Variants in DIAPH3 observed in about 807,000 individuals in gnomAD.
The protein encoded by DIAPH3 is diaphanous related formin 3.
Under a neutral mutation model 144.3 loss-of-function variants are expected in DIAPH3, and 117 were observed. The ratio of observed to expected loss-of-function variants is 0.81; its 90% CI spans 0.70 to 0.95. DIAPH3 has a LOEUF of 0.95. Among genes scored for constraint, DIAPH3 ranks in the 40% least tolerant of loss-of-function variants. The pLI, the probability that DIAPH3 is intolerant of heterozygous loss-of-function variation, is 0.00. For synonymous variants in DIAPH3, 519 were observed against 488.9 expected, an observed-to-expected ratio of 1.06 and a Z score of -0.81; for missense variants, 1,421 against 1,412.7, an observed-to-expected ratio of 1.01 and a Z score of -0.09.
At chr13:60,052,770 G>A (rs1048439270) in intron 4 of DIAPH3, among the ~76,000 whole-genome samples, 4 of 151,734 alleles carry the variant, frequency 2.6e-5, no homozygotes, top group African/African-American at 9.7e-5. Flanking sequence ...AGACCAGCCT[G>A]GCCAACATAG....
intron 20 of DIAPH3, among the ~76,000 whole-genome samples, chr13:59,887,205 CTAAT>C (rs1410937549): frequency 2.0e-5 from 3 of 152,108 alleles, no homozygotes; most frequent in East Asian, 1.9e-4. Context: ...ATATGGCTAA[CTAAT>C]TAATTTTGAA....
At chr13:60,125,680 T>C (rs2058973455) in intron 2 of DIAPH3, among the ~76,000 whole-genome samples, 1 of 152,168 alleles carries the variant, frequency 6.6e-6, no homozygotes, top group African/African-American at 2.4e-5. Context: ...GAAGGCCTTA[T>C]CTGCCATGTT....
chr13:59,805,345 A>AC (rs2040137439), intron 25 of DIAPH3, among the ~76,000 whole-genome samples: 1 of 152,086 alleles, frequency 6.6e-6, no homozygotes, highest in Non-Finnish European at 1.5e-5. Context: ...TGATTAAGAA[A>AC]CAGAAATGGA....
chr13:59,682,354 G>T (rs2032989280), intron 27 of DIAPH3, among the ~76,000 whole-genome samples: 1 of 152,208 alleles, frequency 6.6e-6, no homozygotes, highest in Non-Finnish European at 1.5e-5. Context: ...ACAGGGTCTT[G>T]TCTGTCGCCC....
chr13:60,117,634 T>G (rs2058734599), intron 2 of DIAPH3, among the ~76,000 whole-genome samples: 1 of 152,124 alleles, frequency 6.6e-6, no homozygotes, highest in Non-Finnish European at 1.5e-5. Context: ...GAAGTTTCAT[T>G]TTTTAAAAGA....
intron 27 of DIAPH3, among the ~76,000 whole-genome samples, chr13:59,708,792 A>G (rs2034566784): frequency 6.6e-6 from 1 of 152,170 alleles, no homozygotes; most frequent in Non-Finnish European, 1.5e-5. Flanking sequence ...TCTGGAATGC[A>G]TTTTCTGAAT....
At position 60,163,919 on chromosome 13, in the gene DIAPH3, C is replaced by CACCG. The variant is rs1952427873; in HGVS notation, c.-154_-153insCGGT. On this transcript the variant is annotated 5_prime_UTR_variant, in exon 1 of 28. It removes the in-frame stop codon of an upstream open reading frame in the 5' UTR. Transcript: ENST00000400324. ...CAACCGCTGAAGTCGGGGCCGCAGC[C>CACCG]AACACATCTGAAAACTCCCGCCACC... 1 of 1,002,732 alleles carries CACCG rather than the reference C, an allele frequency of 1.0e-6. No homozygotes were observed. The highest frequency in any genetic ancestry group is 1.6e-5 in the African/African-American group (1 of 61,212). The allele number at this position is 1,002,732 out of a possible 1,614,324, so 62.1% of individuals were successfully genotyped here.
chr13:60,146,954 C>T (rs1260469658), intron 1 of DIAPH3, among the ~76,000 whole-genome samples: 1 of 152,204 alleles, frequency 6.6e-6, no homozygotes, highest in Non-Finnish European at 1.5e-5. Flanking sequence ...TTTCTGTCAT[C>T]ACTGATGTTG....
At chr13:59,711,998 A>C (rs2034772420) in intron 27 of DIAPH3, among the ~76,000 whole-genome samples, 1 of 152,190 alleles carries the variant, frequency 6.6e-6, no homozygotes, top group East Asian at 1.9e-4. Flanking sequence ...TCACCCTATA[A>C]GCTCCTCTCT....
intron 27 of DIAPH3, among the ~76,000 whole-genome samples, chr13:59,677,067 T>C (rs2032680261): frequency 6.6e-6 from 1 of 152,184 alleles, no homozygotes; most frequent in African/African-American, 2.4e-5. Flanking sequence ...GCAGGTATCT[T>C]GTTTTATTCA....
Position 59,833,187 on chromosome 13 carries a change from C to T in DIAPH3, c.2947G>A (p.Gly983Arg). Residue 983 changes from glycine (G) to arginine (R), a missense_variant, in exon 24 of 28, where the codon GGA becomes AGA. Coordinates refer to ENST00000400324, the MANE Select transcript of DIAPH3 (RefSeq NM_001042517.2). ...TTCTTCACATCAATGGCATAGTATC[C>T]TATTATACTCTGGTATAACTTTTCC... is the stretch of plus-strand genomic sequence containing the variant. ...NMEKLYQSII[G>R]YYAIDVKKVS... 2 of 1,610,314 alleles carry T rather than the reference C, an allele frequency of 1.2e-6. No homozygotes were observed. Among genetic ancestry groups the T allele is most frequent in the Non-Finnish European group, 1.7e-6 (2 of 1,177,750 alleles).
At position 59,831,014 on chromosome 13, in the gene DIAPH3, A is replaced by G. The variant is rs185238823; in HGVS notation, c.3027+2093T>C. On this transcript the variant is annotated intron_variant, in intron 24 of 27. Coordinates refer to ENST00000400324, the MANE Select transcript of DIAPH3 (RefSeq NM_001042517.2). ...AGGGCCCTTAAAGAAGGCTTTAGAGAAGATTATATGGGTTTAAATTCTAGT... is the reference window on the plus strand; with the variant it reads ...AGGGCCCTTAAAGAAGGCTTTAGAGGAGATTATATGGGTTTAAATTCTAGT... Among the ~76,000 whole-genome samples the G allele has an allele frequency of 1.4e-3, 218 of 151,870 alleles. 2 individuals carry two copies. The highest frequency in any genetic ancestry group is 1.5e-3 in the South Asian group (7 of 4,820).
chr13:59,929,770 C>A lies in DIAPH3; in HGVS notation c.2075-4900G>T, dbSNP rs556777377. The stretch of plus-strand genomic sequence containing the variant: ...TTTTTTAGTAGAGACAGGGTTTCAC[C>A]ATGTTGACCAGGTTAGTCTCAAACT... On this transcript the variant is annotated intron_variant, in intron 17 of 27. Transcript: ENST00000400324. 8.6e-5 allele frequency among the ~76,000 whole-genome samples: 13 copies of A among 151,456 alleles called. No individual in the cohort carries two copies. The South Asian group carries it at 2.7e-3, about 32-fold the overall frequency.
At chr13:59,852,062 G>A (rs1452660546) in intron 22 of DIAPH3, among the ~76,000 whole-genome samples, 2 of 151,898 alleles carry the variant, frequency 1.3e-5, no homozygotes, top group Non-Finnish European at 2.9e-5. Context: ...TTTCCTTATA[G>A]AGTCAAAACA....
At position 59,668,224 on chromosome 13, in the gene DIAPH3, G is replaced by A. The variant is rs377567074; in HGVS notation, c.3320-1378C>T. Among the ~76,000 whole-genome samples the A allele has an allele frequency of 3.9e-5, 6 of 152,310 alleles. No homozygotes were observed. The South Asian group carries it at 1.2e-3, about 32-fold the overall frequency. On this transcript the variant is annotated intron_variant, in intron 27 of 27. Transcript: ENST00000400324. ...TGCCGGAAAGAGCACGGTAGATGTG[G>A]TATTCCTGCAGTTCCTATGACCACA...
chr13:59,863,086 T>G (rs1298415418), intron 21 of DIAPH3, among the ~76,000 whole-genome samples: 2 of 152,034 alleles, frequency 1.3e-5, no homozygotes, highest in East Asian at 3.9e-4. Flanking sequence ...TAATCTGAAA[T>G]GGCCAAGGAG....
rs564807940 is a variant in DIAPH3 at position 59,759,368 on chromosome 13, T to G, written c.3319+14821A>C. Among the ~76,000 whole-genome samples the G allele has an allele frequency of 3.9e-5, 6 of 152,162 alleles. No homozygotes were observed. In the South Asian group the frequency reaches 1.2e-3, roughly 32 times the overall value. ...ATATGAAAACTAATCACAAATAACT[T>G]AAAAAATTATTCTCAGAACCCCTTT... On this transcript the variant is annotated intron_variant, in intron 27 of 27. Coordinates refer to ENST00000400324, the MANE Select transcript of DIAPH3 (RefSeq NM_001042517.2).
chr13:60,135,651 A>G (rs777227730), intron 1 of DIAPH3, among the ~76,000 whole-genome samples: 4 of 152,228 alleles, frequency 2.6e-5, no homozygotes, highest in Admixed American at 1.3e-4. Context: ...CTAACAGAGT[A>G]AGGAGCTGGA....
chr13:59,996,568 A>C (rs1236402040), intron 9 of DIAPH3, among the ~76,000 whole-genome samples: 3 of 152,074 alleles, frequency 2.0e-5, no homozygotes, highest in East Asian at 3.9e-4. Flanking sequence ...AAGGACTGAC[A>C]TCAGCAAACT....
Sources: gnomAD v4.1 joint callset for allele counts (sites outside exome capture counted in the v4.1 genomes callset) on GRCh38, gnomAD v4.1.1 for gene constraint, MANE v1.5 for transcripts, NCBI Gene and HGNC (gene_info 2026-07-23, HGNC 2026-07-21) for gene names.